The following NCOA2 variants were observed in gnomAD, a reference collection of about 807,000 sequenced individuals.
The protein encoded by NCOA2 is class E basic helix-loop-helix protein 75.
A neutral mutation model predicts 145.1 loss-of-function variants in NCOA2; 21 were observed. The observed-to-expected ratio is 0.14, with a 90% CI of 0.10 to 0.21. The LOEUF is 0.21. Among genes scored for constraint, NCOA2 ranks in the 10% least tolerant of loss-of-function variants. NCOA2 has a pLI of 1.00. For missense variants in NCOA2, 1,472 were observed against 1,837.6 expected (o/e 0.80, Z 3.64); for synonymous variants, 619 against 637.5 (o/e 0.97, Z 0.44).
the NCOA2 span, among the ~76,000 whole-genome samples, chr8:70,412,647 C>CAAAA: frequency 1.2e-4 from 6 of 48,274 alleles, no homozygotes; most frequent in African/African-American, 2.5e-4. Context: ...TACTTCGTCT[C>CAAAA]AAAAAAAAAA....
At chr8:70,286,342 C>A (rs1826231141) in intron 2 of NCOA2, among the ~76,000 whole-genome samples, 1 of 152,182 alleles carries the variant, frequency 6.6e-6, no homozygotes, top group South Asian at 2.1e-4. Context: ...GATTGTGCCA[C>A]TGCACTCCAG....
intron 4 of NCOA2, among the ~76,000 whole-genome samples, chr8:70,205,029 C>T (rs189947044): frequency 6.6e-6 from 1 of 152,060 alleles, no homozygotes; most frequent in East Asian, 1.9e-4. Flanking sequence ...TGCTGCAGGT[C>T]CAAGGGTTAG....
At chr8:70,339,235 A>G (rs1040739212) in intron 1 of NCOA2, among the ~76,000 whole-genome samples, 55 of 152,282 alleles carry the variant, frequency 3.6e-4, no homozygotes, top group African/African-American at 1.3e-3. Context: ...ACTTCAGCAA[A>G]GTCTCAGGAT....
intron 22 of NCOA2, among the ~76,000 whole-genome samples, chr8:70,118,775 G>A (rs940138975): frequency 3.4e-5 from 5 of 148,754 alleles, no homozygotes; most frequent in South Asian, 4.2e-4. Flanking sequence ...TACAACTTCC[G>A]CCTCCCAGGT....
chr8:70,248,069 G>T (rs1822776693), intron 2 of NCOA2, among the ~76,000 whole-genome samples: 2 of 152,156 alleles, frequency 1.3e-5, no homozygotes, highest in Admixed American at 1.3e-4. Context: ...TGTTTACAAG[G>T]GAATTAGACT....
intron 6 of NCOA2, among the ~76,000 whole-genome samples, chr8:70,167,561 T>A (rs915784412): frequency 6.6e-6 from 1 of 152,246 alleles, no homozygotes; most frequent in South Asian, 2.1e-4. Context: ...AACTTTAGTA[T>A]ATAGTTTATA....
At chr8:70,159,231 TA>T (rs1812634368) in intron 10 of NCOA2, among the ~76,000 whole-genome samples, 1 of 76,376 alleles carries the variant, frequency 1.3e-5, no homozygotes, top group African/African-American at 6.9e-5. Flanking sequence ...ATTATATATA[TA>T]TATATATATA....
intron 13 of NCOA2, among the ~76,000 whole-genome samples, chr8:70,143,325 C>T (rs182712716): frequency 3.4e-4 from 51 of 152,190 alleles, no homozygotes; most frequent in African/African-American, 1.1e-3. Flanking sequence ...CTTGGCTGCT[C>T]GGATTTTAAT....
chr8:70,365,249 T>C (rs902490465), intron 1 of NCOA2, among the ~76,000 whole-genome samples: 23 of 152,136 alleles, frequency 1.5e-4, no homozygotes, highest in Non-Finnish European at 2.4e-4. Context: ...GGAAAACAGA[T>C]TGAGCCTGCG....
At chr8:70,194,192 A>C (rs1817006185) in intron 4 of NCOA2, among the ~76,000 whole-genome samples, 1 of 152,258 alleles carries the variant, frequency 6.6e-6, no homozygotes, top group Admixed American at 6.5e-5. Context: ...TTTCATATCT[A>C]AAATTTTAAG....
Position 70,302,239 on chromosome 8 carries a change from C to T in NCOA2, c.-76-5439G>A, listed in dbSNP as rs569444368. Among the ~76,000 whole-genome samples, 7 of 151,968 alleles carry T rather than the reference C, an allele frequency of 4.6e-5. No homozygotes were observed. In the East Asian group the frequency reaches 1.4e-3, roughly 29 times the overall value. Reference sequence around the variant, plus strand: ...TGAATTTTAATAAAATAGTAAAATTCCAAAGTTTCACTGCAGAAGACTTAA... The same window carrying T: ...TGAATTTTAATAAAATAGTAAAATTTCAAAGTTTCACTGCAGAAGACTTAA... On this transcript the variant is annotated intron_variant, in intron 1 of 22. Transcript: ENST00000452400.
chr8:70,284,618 G>T (rs142299667), intron 2 of NCOA2, among the ~76,000 whole-genome samples: 1 of 152,232 alleles, frequency 6.6e-6, no homozygotes, highest in East Asian at 1.9e-4. Flanking sequence ...CAGATAATCT[G>T]TGGCTAACTT....
intron 2 of NCOA2, among the ~76,000 whole-genome samples, chr8:70,227,585 T>A (rs886401065): frequency 1.3e-5 from 2 of 152,202 alleles, no homozygotes; most frequent in African/African-American, 4.8e-5. Context: ...AAAAACTTAC[T>A]CTTCGTCAGA....
intron 1 of NCOA2, among the ~76,000 whole-genome samples, chr8:70,357,833 C>A (rs928538908): frequency 1.6e-4 from 24 of 151,918 alleles, no homozygotes; most frequent in Admixed American, 8.5e-4. Flanking sequence ...AGTGGATCAC[C>A]CGAAGTCAGG....
chr8:70,115,735 T>C (rs1807029539), intron 22 of NCOA2, among the ~76,000 whole-genome samples: 2 of 152,224 alleles, frequency 1.3e-5, no homozygotes, highest in Non-Finnish European at 2.9e-5. Context: ...AGAAATACTG[T>C]AAGTTCTTAT....
At chr8:70,293,560 G>A (rs1164649229) in intron 2 of NCOA2, among the ~76,000 whole-genome samples, 1 of 152,178 alleles carries the variant, frequency 6.6e-6, no homozygotes, top group Non-Finnish European at 1.5e-5. Flanking sequence ...TACTTAGCAT[G>A]TGTGAACAAT....
chr8:70,433,261 T>C, the NCOA2 span, among the ~76,000 whole-genome samples: 1 of 152,184 alleles, frequency 6.6e-6, no homozygotes, highest in Non-Finnish European at 1.5e-5. Flanking sequence ...ATATATTTAT[T>C]GAGCATCTAT....
chr8:70,345,401 G>A (rs1808519754), intron 1 of NCOA2, among the ~76,000 whole-genome samples: 1 of 152,142 alleles, frequency 6.6e-6, no homozygotes, highest in Non-Finnish European at 1.5e-5. Flanking sequence ...CTCAACAACT[G>A]ACCCAATATG....
intron 4 of NCOA2, among the ~76,000 whole-genome samples, chr8:70,205,021 C>T (rs1223240464): frequency 2.6e-5 from 4 of 152,042 alleles, no homozygotes; most frequent in African/African-American, 9.7e-5. Context: ...AAAAGAAGTG[C>T]TGCAGGTCCA....
Sources: allele counts gnomAD v4.1 joint callset (sites outside exome capture counted in the v4.1 genomes callset), GRCh38; gene constraint gnomAD v4.1.1; transcripts MANE v1.5; gene names NCBI Gene and HGNC (gene_info 2026-07-23, HGNC 2026-07-21).